The following SPEF2 variants were observed in gnomAD, a reference collection of about 807,000 sequenced individuals.
SPEF2 encodes sperm flagellar and cilia associated 2.
In SPEF2, 187 loss-of-function variants were observed where a neutral mutation model predicts 224.6. That is an observed-to-expected ratio of 0.83 (90% CI 0.74 to 0.94). The LOEUF is 0.94. Among genes scored for constraint, SPEF2 ranks in the 40% least tolerant of loss-of-function variants. The probability of loss-of-function intolerance (pLI) is 0.00; values close to 1 mark genes in which losing one functional copy is unlikely to be tolerated. For synonymous variants in SPEF2, 715 were observed against 707.3 expected (o/e 1.01, Z -0.17); for missense variants, 2,170 against 2,135.6 (o/e 1.02, Z -0.32).
chr5:35,758,767 A>C (rs1178365227), intron 24 of SPEF2, among the ~76,000 whole-genome samples: 1 of 152,120 alleles, frequency 6.6e-6, no homozygotes, highest in Non-Finnish European at 1.5e-5. Context: ...GCACTTTGGG[A>C]GGCCGAGGTG....
chr5:35,765,431 G>T (rs1751963346), intron 26 of SPEF2, among the ~76,000 whole-genome samples: 2 of 152,034 alleles, frequency 1.3e-5, no homozygotes, highest in Admixed American at 6.5e-5. Context: ...CATGTGCATA[G>T]ATAACTGTTG....
intron 30 of SPEF2, chr5:35,789,287 T>C (rs1358738417): frequency 5.7e-6 from 4 of 703,262 alleles, no homozygotes; most frequent in African/African-American, 3.5e-5. Context: ...CATTCTGTCC[T>C]GTGTCAATAA....
At chr5:35,727,917 T>G in intron 21 of SPEF2, 94 bp downstream of exon 21, 2 of 1,304,430 alleles carry the variant, frequency 1.5e-6, no homozygotes, top group Non-Finnish European at 2.1e-6. Flanking sequence ...GAAGGCCTTT[T>G]ACAGCAGGTA....
chr5:35,787,673 A>G (rs990285636), intron 30 of SPEF2, among the ~76,000 whole-genome samples: 1 of 152,172 alleles, frequency 6.6e-6, no homozygotes, highest in South Asian at 2.1e-4. Flanking sequence ...TCTGAACCAT[A>G]TAATAGGGGT....
At chr5:35,737,368 C>G (rs536397375) in intron 21 of SPEF2, among the ~76,000 whole-genome samples, 1 of 116,986 alleles carries the variant, frequency 8.5e-6, no homozygotes, top group Non-Finnish European at 1.7e-5. Flanking sequence ...CCTCCCTCCC[C>G]CCACCCCACA....
intron 21 of SPEF2, among the ~76,000 whole-genome samples, chr5:35,730,601 G>C (rs541362139): frequency 6.6e-6 from 1 of 152,210 alleles, no homozygotes; most frequent in African/African-American, 2.4e-5. Context: ...CAATTTCAAC[G>C]TTCAAAATAT....
At chr5:35,802,576 A>G (rs1196418414) in intron 34 of SPEF2, among the ~76,000 whole-genome samples, 3 of 152,154 alleles carry the variant, frequency 2.0e-5, no homozygotes, top group Non-Finnish European at 2.9e-5. Context: ...AGGGGTTGCA[A>G]TGTTCATTAG....
chr5:35,714,711 T>TATTA (rs1311287826), intron 20 of SPEF2, among the ~76,000 whole-genome samples: 4 of 149,626 alleles, frequency 2.7e-5, no homozygotes, highest in Non-Finnish European at 5.9e-5. Flanking sequence ...TTTATTTATT[T>TATTA]ATTTATTTAT....
chr5:35,709,460 T>C, intron 19 of SPEF2: 2 of 1,022,030 alleles, frequency 2.0e-6, no homozygotes, highest in Non-Finnish European at 2.3e-6. Context: ...ACTATAGAGT[T>C]ACATTTATGT....
At chr5:35,790,609 T>A in intron 30 of SPEF2, 1 of 324,260 alleles carries the variant, frequency 3.1e-6, no homozygotes. Context: ...TCACACTCTT[T>A]TGGTGGAGCT....
chr5:35,733,910 A>T (rs1324689897), intron 21 of SPEF2, among the ~76,000 whole-genome samples: 1 of 152,328 alleles, frequency 6.6e-6, no homozygotes, highest in South Asian at 2.1e-4. Context: ...ATCTTTAAAT[A>T]GTAAGAGTAA....
intron 10 of SPEF2, among the ~76,000 whole-genome samples, chr5:35,681,155 GA>G (rs5867284): frequency 1.0e-3 from 157 of 152,076 alleles, no homozygotes; most frequent in African/African-American, 3.5e-3. Flanking sequence ...CTTGCATTTT[GA>G]ATAATAATAA....
At chr5:35,803,215 C>T (rs1757664169) in intron 34 of SPEF2, among the ~76,000 whole-genome samples, 1 of 152,132 alleles carries the variant, frequency 6.6e-6, no homozygotes, top group African/African-American at 2.4e-5. Flanking sequence ...ACAGCGGAGT[C>T]CAGGAGGCTG....
In SPEF2 at chr5:35,759,739, C is replaced by G. The variant is rs370732958; in HGVS notation, c.3620+20C>G. ...GCTTAGGTAAGGCAGGCTATTATAT[C>G]ACACTGTAATTGTTTTGAACATAAA... On this transcript the variant is annotated intron_variant, in intron 25 of 36. Coordinates refer to ENST00000356031, the MANE Select transcript of SPEF2 (RefSeq NM_024867.4). The G allele has an allele frequency of 2.0e-5, 31 of 1,522,294 alleles. No individual in the cohort carries two copies. Among genetic ancestry groups the G allele is most frequent in the Non-Finnish European group, 2.1e-5 (24 of 1,122,534 alleles). The allele number at this position is 1,522,294 out of a possible 1,614,324, so 94.3% of individuals were successfully genotyped here.
At chr5:35,694,194 G>C in intron 12 of SPEF2, 94 bp from the exon 13 acceptor site, 1 of 909,430 alleles carries the variant, frequency 1.1e-6, no homozygotes, top group African/African-American at 1.7e-5. Flanking sequence ...TATTGTATTT[G>C]TTCTCAAACC....
intron 21 of SPEF2, among the ~76,000 whole-genome samples, chr5:35,729,636 C>T (rs554172426): frequency 1.3e-5 from 2 of 152,116 alleles, no homozygotes; most frequent in Non-Finnish European, 2.9e-5. Flanking sequence ...CTGGACTCCC[C>T]ACACGTGAAC....
chr5:35,748,534 A>G (rs151139538), intron 23 of SPEF2, among the ~76,000 whole-genome samples: 1,729 of 152,296 alleles, frequency 0.011, 28 homozygotes, highest in African/African-American at 0.04. Context: ...ATTCAAGGCT[A>G]CTATGAACAC....
At chr5:35,655,740 A>G (rs552444089) in intron 7 of SPEF2, among the ~76,000 whole-genome samples, 2 of 152,348 alleles carry the variant, frequency 1.3e-5, no homozygotes, top group East Asian at 3.9e-4. Flanking sequence ...ACTGAAAGTC[A>G]TGCCATCTGG....
intron 1 of SPEF2, 49 bp from the exon 2 acceptor site, chr5:35,628,411 A>G: frequency 8.1e-7 from 1 of 1,231,648 alleles, no homozygotes; most frequent in Non-Finnish European, 1.2e-6. Context: ...CATTAGCTCT[A>G]TGCGCAACAT....
Sources: gnomAD v4.1 joint callset for allele counts (sites outside exome capture counted in the v4.1 genomes callset) on GRCh38, gnomAD v4.1.1 for gene constraint, MANE v1.5 for transcripts, NCBI Gene and HGNC (gene_info 2026-07-23, HGNC 2026-07-21) for gene names.